The following COL13A1 variants were observed in gnomAD, a reference collection of about 807,000 sequenced individuals.
COL13A1 encodes the protein collagen alpha-1(XIII) chain.
A neutral mutation model predicts 130.9 loss-of-function variants in COL13A1; 89 were observed. The observed-to-expected ratio is 0.68, with a 90% CI of 0.57 to 0.81. COL13A1 has a LOEUF of 0.81. Ranked by LOEUF, COL13A1 falls within the 30% of genes least tolerant of loss-of-function variation. The probability of loss-of-function intolerance (pLI) is 0.00; values close to 1 mark genes in which losing one functional copy is unlikely to be tolerated. For synonymous variants in COL13A1, 402 were observed against 341.6 expected (o/e 1.18, Z -1.95); for missense variants, 879 against 934.6 (o/e 0.94, Z 0.78).
chr10:69,904,187 C>A (rs888332236), intron 15 of COL13A1, among the ~76,000 whole-genome samples: 3 of 152,176 alleles, frequency 2.0e-5, no homozygotes, highest in African/African-American at 7.2e-5. Flanking sequence ...GCTCCAAATT[C>A]ACTTTTTGCT....
chr10:69,830,582 C>T (rs780601864), intron 2 of COL13A1, among the ~76,000 whole-genome samples: 14 of 147,940 alleles, frequency 9.5e-5, no homozygotes, highest in Non-Finnish European at 1.3e-4. Flanking sequence ...ATAGTAAACA[C>T]GTAAAGAAAT....
At chr10:69,857,797 A>T (rs1226451392) in intron 2 of COL13A1, among the ~76,000 whole-genome samples, 1 of 152,220 alleles carries the variant, frequency 6.6e-6, no homozygotes, top group African/African-American at 2.4e-5. Flanking sequence ...AGGGTTAAAC[A>T]TGGTAATACC....
chr10:69,829,577 G>A (rs190783258), intron 2 of COL13A1, among the ~76,000 whole-genome samples: 246 of 152,348 alleles, frequency 1.6e-3, no homozygotes, highest in African/African-American at 5.5e-3. Context: ...GGCTCCAAAC[G>A]AAGGCCCTTC....
intron 17 of COL13A1, among the ~76,000 whole-genome samples, chr10:69,910,981 C>G (rs1434190518): frequency 6.6e-6 from 1 of 152,164 alleles, no homozygotes; most frequent in African/African-American, 2.4e-5. Flanking sequence ...GGGTTTCAGA[C>G]CAGAGGAGGA....
chr10:69,880,586 G>A (rs1464643388), intron 7 of COL13A1, 33 bp downstream of exon 7: 2 of 1,610,416 alleles, frequency 1.2e-6, no homozygotes, highest in African/African-American at 1.3e-5. Flanking sequence ...CGGGGTGTTG[G>A]GGGGATGGGT....
intron 14 of COL13A1, among the ~76,000 whole-genome samples, chr10:69,902,369 G>A (rs1456036244): frequency 6.6e-6 from 1 of 152,162 alleles, no homozygotes; most frequent in Admixed American, 6.5e-5. Context: ...ACACAGGGAG[G>A]GTGACAGAGG....
chr10:69,864,825 A>G (rs1389980149), intron 2 of COL13A1, among the ~76,000 whole-genome samples: 1 of 152,156 alleles, frequency 6.6e-6, no homozygotes, highest in Non-Finnish European at 1.5e-5. Context: ...TGCGTGACAG[A>G]CATCAGCAGG....
At chr10:69,925,947 C>T (rs753198945) in intron 26 of COL13A1, 75 bp downstream of exon 26, 23 of 1,283,968 alleles carry the variant, frequency 1.8e-5, no homozygotes, top group Non-Finnish European at 2.4e-5. Flanking sequence ...TCAGGGGGCC[C>T]TTCCACACAG....
intron 2 of COL13A1, among the ~76,000 whole-genome samples, chr10:69,839,523 G>A (rs1197170635): frequency 2.6e-5 from 4 of 152,192 alleles, no homozygotes; most frequent in Non-Finnish European, 5.9e-5. Context: ...CTGTGAGAAG[G>A]TGACATCTGA....
intron 2 of COL13A1, among the ~76,000 whole-genome samples, chr10:69,865,710 G>A (rs1357696479): frequency 6.6e-6 from 1 of 152,194 alleles, no homozygotes; most frequent in Non-Finnish European, 1.5e-5. Flanking sequence ...TAAGACAAAG[G>A]TGCCTGTAAA....
intron 40 of COL13A1, among the ~76,000 whole-genome samples, chr10:69,957,747 A>C (rs1248550278): frequency 6.6e-6 from 1 of 152,152 alleles, no homozygotes; most frequent in African/African-American, 2.4e-5. Context: ...TAACTAATCC[A>C]GAAGACCCGC....
rs2060940266 is a variant in COL13A1 at position 69,889,431 on chromosome 10, G to A, written c.594G>A (p.Lys198=). The A allele has an allele frequency of 6.2e-7, 1 of 1,611,890 alleles. No homozygotes were observed. The highest frequency in any genetic ancestry group is 8.5e-7 in the Non-Finnish European group (1 of 1,179,170). Residue 198 remains lysine, a synonymous_variant, in exon 10 of 41, where the codon AAG becomes AAA. Coordinates refer to ENST00000645393, the MANE Select transcript of COL13A1 (RefSeq NM_001368882.1). Reference sequence around the variant, plus strand: ...CCTTCCAGGGCCACCCAGGACCAAAGGGCGACATGGTAAGAGCCCAGCTTT... The same window carrying A: ...CCTTCCAGGGCCACCCAGGACCAAAAGGCGACATGGTAAGAGCCCAGCTTT... ...LDGKPGHPGP[K]GDMGLTGPPG...
chr10:69,940,649 C>A (rs1271683156), intron 34 of COL13A1, among the ~76,000 whole-genome samples: 3 of 152,160 alleles, frequency 2.0e-5, no homozygotes, highest in Admixed American at 6.5e-5. Context: ...CTTTCTGTAT[C>A]CCTTTCCCCA....
Position 69,802,283 on chromosome 10 carries a change from G to A in COL13A1, c.-141G>A, listed in dbSNP as rs1200748893. 2 of 1,036,520 alleles carry A rather than the reference G, an allele frequency of 1.9e-6. No individual in the cohort carries two copies. The highest frequency in any genetic ancestry group is 3.4e-5 in the African/African-American group (2 of 58,802). 64.2% of individuals were successfully genotyped at this position (1,036,520 alleles called of 1,614,324 possible). A position where few individuals can be genotyped will look rare whatever the true frequency, so the allele number is the denominator to read the frequency against. ...TACTGCTAATTTTTCCGTCCTCTTTGCCGGGAGCAGCGGAAAGGGACGTTT... is the reference window on the plus strand; with the variant it reads ...TACTGCTAATTTTTCCGTCCTCTTTACCGGGAGCAGCGGAAAGGGACGTTT... On this transcript the variant is annotated 5_prime_UTR_variant, in exon 1 of 41. Coordinates refer to ENST00000645393, the MANE Select transcript of COL13A1 (RefSeq NM_001368882.1).
At chr10:69,953,215 G>C (rs1186497154) in intron 39 of COL13A1, among the ~76,000 whole-genome samples, 1 of 152,192 alleles carries the variant, frequency 6.6e-6, no homozygotes, top group African/African-American at 2.4e-5. Context: ...CAGAGCAATC[G>C]ATGTGTGGAA....
At chr10:69,948,398 C>T (rs1193482628) in intron 38 of COL13A1, among the ~76,000 whole-genome samples, 1 of 152,194 alleles carries the variant, frequency 6.6e-6, no homozygotes, top group Non-Finnish European at 1.5e-5. Flanking sequence ...GTGCTCTTCA[C>T]TGGCAGCTGG....
chr10:69,947,279 A>G (rs2068695857), intron 37 of COL13A1, 28 bp from the exon 38 acceptor site: 2 of 1,612,506 alleles, frequency 1.2e-6, no homozygotes. Flanking sequence ...CCTCATTAAC[A>G]TGCCTTTCTT....
At chr10:69,935,114 T>A (rs984858180) in intron 31 of COL13A1, among the ~76,000 whole-genome samples, 2 of 151,880 alleles carry the variant, frequency 1.3e-5, no homozygotes, top group Non-Finnish European at 2.9e-5. Context: ...GAAGAATAGA[T>A]CTTTAGGGAC....
rs1262687818 is a variant in COL13A1 at position 69,902,800 on chromosome 10, C to T, written c.803C>T (p.Pro268Leu). The change falls in exon 15 of 41, where the codon CCT becomes CTT. Residue 268 changes from proline to leucine, a missense_variant. Pro to Leu is a moderately conservative substitution (Grantham distance 98). This residue lies in a region of COL13A1 where 715 missense variants were observed against 721.0 expected (regional missense o/e 0.99). Coordinates refer to ENST00000645393, the MANE Select transcript of COL13A1 (RefSeq NM_001368882.1). The stretch of plus-strand genomic sequence containing the variant: ...GGTCCACCAGGGCCCCCAGGCCCCC[C>T]TGGACCAAGTGGACCTCTGGGGCAC... The part of the protein sequence containing the change: ...IQGPPGPPGP[P>L]GPSGPLGHPG... 6.4e-7 allele frequency: 1 copy of T among 1,553,576 alleles called. No homozygotes were observed. The highest frequency in any genetic ancestry group is 8.7e-7 in the Non-Finnish European group (1 of 1,148,080).
Sources: allele counts gnomAD v4.1 joint callset (sites outside exome capture counted in the v4.1 genomes callset), GRCh38; gene constraint gnomAD v4.1.1; regional missense constraint gnomAD v4.1.1; transcripts MANE v1.5; gene names NCBI Gene and HGNC (gene_info 2026-07-23, HGNC 2026-07-21).